Variants in PCDHGB2 observed in about 807,000 individuals in gnomAD.
The protein encoded by PCDHGB2 is protocadherin gamma subfamily B, 2, also known as protocadherin gamma-B2.
Under a neutral mutation model 59.3 loss-of-function variants are expected in PCDHGB2, and 55 were observed. The ratio of observed to expected loss-of-function variants is 0.93; its 90% CI spans 0.75 to 1.16. The LOEUF is 1.16. Among genes scored for constraint, PCDHGB2 ranks in the 50% most tolerant of loss-of-function variants. The pLI is 0.00. For missense variants in PCDHGB2, 1,228 were observed against 1,198.5 expected (o/e 1.02, Z -0.36); for synonymous variants, 516 against 512.0 (o/e 1.01, Z -0.11).
Position 141,491,077 on chromosome 5 carries a change from T to TAGGA in PCDHGB2, c.2422-3730_2422-3729insAGGA, listed in dbSNP as rs752090443. 1.2e-6 allele frequency: 2 copies of TAGGA among 1,614,166 alleles called. No homozygotes were observed. Among genetic ancestry groups the TAGGA allele is most frequent in the Admixed American group, 3.3e-5 (2 of 60,014 alleles). On this transcript the variant is annotated intron_variant, in intron 1 of 3. Transcript: ENST00000522605. This position sits in a 1 kb window ranked among gnomAD's most constrained non-coding sequence, Gnocchi z 6.9. The stretch of plus-strand genomic sequence containing the variant: ...GCTCTCCTACTCACTGTTGCCACAG[T>TAGGA]CCACAGCCCCAGGACTGTTCCTCGT...
Position 141,489,068 on chromosome 5 carries a change from G to GGCC in PCDHGB2, c.2422-5739_2422-5738insGCC. The GGCC allele has an allele frequency of 3.4e-6, 1 of 291,556 alleles. No individual in the cohort carries two copies. The allele number at this position is 291,556 out of a possible 1,614,324, so 18.1% of individuals were successfully genotyped here. A position where few individuals can be genotyped will look rare whatever the true frequency, so the allele number is the denominator to read the frequency against. ...CTCAAATTCAGCTCCCCTCCCCCCT[G>GGCC]CCCACCCCCGCCACTCGGTGACTAA... On this transcript the variant is annotated intron_variant, in intron 1 of 3. Coordinates refer to ENST00000522605, the MANE Select transcript of PCDHGB2 (RefSeq NM_018923.3). The surrounding 1 kb of genome is among the most constrained non-coding windows in gnomAD (Gnocchi z 4.5).
intron 1 of PCDHGB2, chr5:141,405,103 G>T (rs368202826): frequency 3.1e-6 from 5 of 1,613,804 alleles, no homozygotes; most frequent in Non-Finnish European, 4.2e-6. Flanking sequence ...TCAGGCTGAG[G>T]CACTGGCACT....
intron 1 of PCDHGB2, chr5:141,414,893 C>T: frequency 6.2e-7 from 1 of 1,614,248 alleles, no homozygotes; most frequent in Non-Finnish European, 8.5e-7. Context: ...GCCCTCCCCA[C>T]AGACGGTTCC....
chr5:141,482,562 C>A (rs1030078543), intron 1 of PCDHGB2, among the ~76,000 whole-genome samples: 68 of 142,616 alleles, frequency 4.8e-4, no homozygotes, highest in African/African-American at 1.8e-3. Flanking sequence ...TAATGGAGAT[C>A]TGCATAGCAT....
chr5:141,362,737 C>T, intron 1 of PCDHGB2, 181 bp downstream of exon 1: 1 of 746,916 alleles, frequency 1.3e-6, no homozygotes. Context: ...GATTTATTTA[C>T]CCATGATTGC....
chr5:141,501,013 C>A (rs1456343329), intron 2 of PCDHGB2, among the ~76,000 whole-genome samples: 6 of 151,970 alleles, frequency 3.9e-5, no homozygotes, highest in Non-Finnish European at 8.8e-5. Flanking sequence ...GGACTACAGG[C>A]ACGCGCCACC....
At chr5:141,382,782 G>A (rs1294010280) in intron 1 of PCDHGB2, 22 of 844,882 alleles carry the variant, frequency 2.6e-5, no homozygotes, top group African/African-American at 1.2e-4. Flanking sequence ...CTAAACTCAA[G>A]CCTCTATCCT....
chr5:141,421,734 G>A (rs761780459), intron 1 of PCDHGB2: 1 of 1,613,948 alleles, frequency 6.2e-7, no homozygotes, highest in Non-Finnish European at 8.5e-7. Flanking sequence ...ACTCCCTCCA[G>A]AGCTACCAGC....
At chr5:141,418,131 A>C (rs1421799777) in intron 1 of PCDHGB2, 1 of 1,614,044 alleles carries the variant, frequency 6.2e-7, no homozygotes, top group East Asian at 2.2e-5. Flanking sequence ...GACCGAATAG[A>C]CCGTGAGCAA....
intron 1 of PCDHGB2, chr5:141,399,718 C>G (rs770212703): frequency 6.2e-7 from 1 of 1,613,308 alleles, no homozygotes; most frequent in Non-Finnish European, 8.5e-7. Context: ...ACTACAGGCC[C>G]GCGACCAGGG....
Position 141,487,323 on chromosome 5 carries a change from G to T in PCDHGB2, c.2422-7484G>T. The T allele has an allele frequency of 6.2e-7, 1 of 1,614,100 alleles. No homozygotes were observed. The highest frequency in any genetic ancestry group is 8.5e-7 in the Non-Finnish European group (1 of 1,180,004). On this transcript the variant is annotated intron_variant, in intron 1 of 3. Coordinates refer to ENST00000522605, the MANE Select transcript of PCDHGB2 (RefSeq NM_018923.3). This position sits in a 1 kb window ranked among gnomAD's most constrained non-coding sequence, Gnocchi z 5.0. ...GTGGCACTACTCTCTAAGTGTCTTC[G>T]TGGGGCAGCCTGTGGAGTCACATGC... is the stretch of plus-strand genomic sequence containing the variant.
At chr5:141,448,143 A>C (rs2098568288) in intron 1 of PCDHGB2, among the ~76,000 whole-genome samples, 1 of 152,012 alleles carries the variant, frequency 6.6e-6, no homozygotes, top group Admixed American at 6.6e-5. Context: ...ACTATACCTC[A>C]GACTCACCCC....
At position 141,491,894 on chromosome 5, in the gene PCDHGB2, C is replaced by T. The variant is rs1209251388; in HGVS notation, c.2422-2913C>T. The T allele has an allele frequency of 1.5e-5, 22 of 1,434,752 alleles. No individual in the cohort carries two copies. Among genetic ancestry groups the T allele is most frequent in the Admixed American group, 2.9e-5 (1 of 34,278 alleles). 88.9% of individuals were successfully genotyped at this position (1,434,752 alleles called of 1,614,324 possible). The stretch of plus-strand genomic sequence containing the variant: ...GCCGATTAAGGGATGGGGCTCCGAG[C>T]ACCGGGGGTGGTGGCGACTGTGGGC... On this transcript the variant is annotated intron_variant, in intron 1 of 3. Transcript: ENST00000522605. The surrounding 1 kb of genome is among the most constrained non-coding windows in gnomAD (Gnocchi z 6.9).
chr5:141,399,361 C>A (rs375619778), intron 1 of PCDHGB2: 1 of 1,613,960 alleles, frequency 6.2e-7, no homozygotes. Context: ...AGAGCAAACC[C>A]CGGAGTACAA....
intron 1 of PCDHGB2, among the ~76,000 whole-genome samples, chr5:141,481,300 GA>G (rs998363845): frequency 3.3e-5 from 5 of 152,248 alleles, no homozygotes; most frequent in African/African-American, 1.2e-4. Context: ...TCATCTAAGG[GA>G]AAAACCTTCC....
chr5:141,374,184 C>G (rs369352283), intron 1 of PCDHGB2: 8 of 1,613,676 alleles, frequency 5.0e-6, no homozygotes, highest in Middle Eastern at 3.3e-4. Context: ...ATCCGCTACT[C>G]TATTCCCGAG....
chr5:141,493,338 A>G lies in PCDHGB2; in HGVS notation c.2422-1469A>G, dbSNP rs773870729. Among the ~76,000 whole-genome samples the G allele has an allele frequency of 6.6e-6, 1 of 152,162 alleles. No individual in the cohort carries two copies. The highest frequency in any genetic ancestry group is 1.5e-5 in the Non-Finnish European group (1 of 68,028). On this transcript the variant is annotated intron_variant, in intron 1 of 3. Transcript: ENST00000522605. This position sits in a 1 kb window ranked among gnomAD's most constrained non-coding sequence, Gnocchi z 4.3. ...GATTCTAACCCCTGTCTAACTCCAG[A>G]ATGTGTGCTTTTAATTTCTTGGCAC...
rs199658498 is a variant in PCDHGB2 at position 141,394,428 on chromosome 5, G to C, written c.2421+31872G>C. 4 of 1,614,114 alleles carry C rather than the reference G, an allele frequency of 2.5e-6. No individual in the cohort carries two copies. In the East Asian group the frequency reaches 6.7e-5, roughly 27 times the overall value. ...ACTGGTAACAGCCAGCGACAGCGGGGACCCGCCCCTCAGCAGCAACATGTC... is the reference window on the plus strand; with the variant it reads ...ACTGGTAACAGCCAGCGACAGCGGGCACCCGCCCCTCAGCAGCAACATGTC... On this transcript the variant is annotated intron_variant, in intron 1 of 3. Coordinates refer to ENST00000522605, the MANE Select transcript of PCDHGB2 (RefSeq NM_018923.3).
intron 1 of PCDHGB2, among the ~76,000 whole-genome samples, chr5:141,407,092 T>C (rs917246877): frequency 1.3e-5 from 2 of 152,360 alleles, no homozygotes; most frequent in Admixed American, 6.5e-5. Context: ...AGAATTGTTT[T>C]ATTTGTTTGT....
Sources: gnomAD v4.1 joint callset for allele counts (sites outside exome capture counted in the v4.1 genomes callset) on GRCh38, gnomAD v4.1.1 for gene constraint, Gnocchi (gnomAD v3.1) non-coding constraint, MANE v1.5 for transcripts, NCBI Gene and HGNC (gene_info 2026-07-23, HGNC 2026-07-21) for gene names.